CEP170B: variants seen among roughly 807,000 people sequenced by gnomAD.
CEP170B encodes the protein centrosomal protein of 170 kDa protein B.
A neutral mutation model predicts 120.6 loss-of-function variants in CEP170B; 55 were observed. That is an observed-to-expected ratio of 0.46 (90% CI 0.37 to 0.57). CEP170B has a LOEUF of 0.57. Among genes scored for constraint, CEP170B ranks in the 20% least tolerant of loss-of-function variants. The pLI is 0.00. For synonymous variants in CEP170B, 1,033 were observed against 954.5 expected, an observed-to-expected ratio of 1.08 and a Z score of -1.52; for missense variants, 2,212 against 2,253.3, an observed-to-expected ratio of 0.98 and a Z score of 0.37.
At chr14:104,878,713 G>A (rs1326943995) in intron 5 of CEP170B, among the ~76,000 whole-genome samples, 1 of 145,856 alleles carries the variant, frequency 6.9e-6, no homozygotes, top group Non-Finnish European at 1.6e-5. Context: ...CCCCCAGCCT[G>A]CTGCAGTGAC....
At chr14:104,876,979 G>A (rs758025307) in intron 3 of CEP170B, among the ~76,000 whole-genome samples, 7 of 152,228 alleles carry the variant, frequency 4.6e-5, no homozygotes, top group East Asian at 1.9e-4. Flanking sequence ...CTCTGGGGGC[G>A]TGTGTCTGTC....
intron 2 of CEP170B, among the ~76,000 whole-genome samples, chr14:104,869,541 T>C (rs7150468): frequency 0.08 from 12,225 of 152,256 alleles, 852 homozygotes; most frequent in African/African-American, 0.19. Flanking sequence ...CCACCCGATA[T>C]TGCTGCATGT....
chr14:104,871,162 G>A (rs942030372), intron 2 of CEP170B, among the ~76,000 whole-genome samples: 7 of 152,094 alleles, frequency 4.6e-5, no homozygotes, highest in Admixed American at 1.3e-4. Flanking sequence ...CTTTCCGAAC[G>A]CTGCTGCTTC....
chr14:104,882,638 A>G, intron 6 of CEP170B, 90 bp from the exon 7 acceptor site: 1 of 1,035,848 alleles, frequency 9.7e-7, no homozygotes, highest in Non-Finnish European at 1.4e-6. Flanking sequence ...GGCCTGCCCC[A>G]GAGTCCAGCC....
chr14:104,877,094 G>A (rs1184195377), intron 3 of CEP170B, among the ~76,000 whole-genome samples: 3 of 152,078 alleles, frequency 2.0e-5, no homozygotes, highest in Non-Finnish European at 2.9e-5. Flanking sequence ...CTGAGCTGGG[G>A]GGCCCTAGCA....
chr14:104,893,975 G>A (rs1566876259), intron 16 of CEP170B, 126 bp downstream of exon 16: 2 of 891,742 alleles, frequency 2.2e-6, no homozygotes, highest in Non-Finnish European at 3.5e-6. Flanking sequence ...CTGTGGAGCA[G>A]CCCTCCCGTG....
In CEP170B at chr14:104,896,735, C is replaced by T; in HGVS notation, c.*1777C>T. On this transcript the variant is annotated 3_prime_UTR_variant, in exon 19 of 19. Transcript: ENST00000414716. ...GAATTTGTTCTAATAAATCATTCTT[C>T]TATCACATGGCAGCACGCTGGAGCC... is the stretch of plus-strand genomic sequence containing the variant. 2.2e-6 allele frequency: 1 copy of T among 454,198 alleles called. No individual in the cohort carries two copies. The highest frequency in any genetic ancestry group is 4.4e-6 in the Non-Finnish European group (1 of 225,296). The allele number at this position is 454,198 out of a possible 1,614,324, so 28.1% of individuals were successfully genotyped here. A position where few individuals can be genotyped will look rare whatever the true frequency, so the allele number is the denominator to read the frequency against.
Position 104,886,308 on chromosome 14 carries a change from A to AG in CEP170B, c.2073dup (p.Ser692ValfsTer16), listed in dbSNP as rs754691089. 1.3e-6 allele frequency: 2 copies of AG among 1,533,770 alleles called. No homozygotes were observed. The highest frequency in any genetic ancestry group is 4.7e-5 in the East Asian group (2 of 42,628). ...CTGGGACGTAGAGGCGGGGAGCCGG[A>AG]GGGGTCCCTGCCTGTGCGCATGCGG... On this transcript the variant is annotated frameshift_variant, in exon 12 of 19. Transcript: ENST00000414716. LOFTEE classifies it high-confidence loss of function.
chr14:104,889,518 C>T (rs774145842), intron 12 of CEP170B, 102 bp from the exon 13 acceptor site: 118 of 1,577,678 alleles, frequency 7.5e-5, no homozygotes, highest in Non-Finnish European at 9.5e-5. Context: ...CACCAAGACA[C>T]GAGGCGCCGG....
intron 6 of CEP170B, 29 bp from the exon 7 acceptor site, chr14:104,882,699 C>G (rs1896220838): frequency 7.6e-6 from 12 of 1,582,038 alleles, no homozygotes; most frequent in Non-Finnish European, 1.0e-5. Context: ...CCCAGCAACA[C>G]AGGGTCTGAC....
chr14:104,866,562 C>T (rs1895218772), intron 1 of CEP170B, among the ~76,000 whole-genome samples: 1 of 152,170 alleles, frequency 6.6e-6, no homozygotes, highest in Admixed American at 6.5e-5. Context: ...GGGCAGGGCC[C>T]CCAGAGTGAG....
chr14:104,878,053 CTGCTGGGGT>C, intron 4 of CEP170B, 90 bp downstream of exon 4: 1 of 1,094,002 alleles, frequency 9.1e-7, no homozygotes, highest in Non-Finnish European at 1.4e-6. Context: ...AGGGCTGTCA[CTGCTGGGGT>C]TGCTGGGTAA....
In CEP170B at chr14:104,865,534, G is replaced by T. The variant is rs1295606478; in HGVS notation, c.-28+21G>T. 1 of 150,734 alleles carries T rather than the reference G, an allele frequency of 6.6e-6. No homozygotes were observed. Among genetic ancestry groups the T allele is most frequent in the Non-Finnish European group, 1.5e-5 (1 of 67,550 alleles). The allele number at this position is 150,734 out of a possible 1,614,324, so 9.3% of individuals were successfully genotyped here. ...AGCAGGTAGGACGCGCCGGCCCAGC[G>T]CTGGCCGCGGCCCGGGCCTCCCATC... On this transcript the variant is annotated intron_variant, in intron 1 of 18. Transcript: ENST00000414716. This position sits in a 1 kb window ranked among gnomAD's most constrained non-coding sequence, Gnocchi z 6.7.
intron 5 of CEP170B, 41 bp downstream of exon 5, chr14:104,878,542 T>C (rs528958469): frequency 5.0e-6 from 8 of 1,594,834 alleles, no homozygotes; most frequent in East Asian, 2.2e-5. Flanking sequence ...CCACGAGGGC[T>C]CAGCCCCCCA....
chr14:104,871,151 C>T (rs1895462146), intron 2 of CEP170B, among the ~76,000 whole-genome samples: 1 of 152,156 alleles, frequency 6.6e-6, no homozygotes. Flanking sequence ...CCTCAGTGGC[C>T]CTTTCCGAAC....
At chr14:104,885,635 G>C in intron 10 of CEP170B, 93 bp downstream of exon 10, 1 of 1,453,050 alleles carries the variant, frequency 6.9e-7, no homozygotes, top group Non-Finnish European at 9.1e-7. Flanking sequence ...CCCATGGGGC[G>C]AGACTGGACT....
Position 104,887,400 on chromosome 14 carries a change from A to G in CEP170B, c.3161A>G (p.His1054Arg), listed in dbSNP as rs766308035. 4 of 1,612,086 alleles carry G rather than the reference A, an allele frequency of 2.5e-6. No individual in the cohort carries two copies. The highest frequency in any genetic ancestry group is 2.5e-6 in the Non-Finnish European group (3 of 1,179,672). The change falls in exon 12 of 19, where the codon CAC becomes CGC. Residue 1054 changes from histidine to arginine, a missense_variant. Around this residue, in one of 2 missense-constraint regions of CEP170B, gnomAD observed 2,166 missense variants for 2,166.7 expected, o/e 1.00. Transcript: ENST00000414716. ...PSEERGPVLA[H>R]LPSSDVMASN... ...GAGGAGCGTGGCCCTGTCCTCGCCCACCTACCCAGCTCAGATGTGATGGCC... is the reference window on the plus strand; with the variant it reads ...GAGGAGCGTGGCCCTGTCCTCGCCCGCCTACCCAGCTCAGATGTGATGGCC...
intron 6 of CEP170B, among the ~76,000 whole-genome samples, chr14:104,880,757 C>A (rs1896107657): frequency 6.6e-6 from 1 of 152,092 alleles, no homozygotes; most frequent in African/African-American, 2.4e-5. Flanking sequence ...CCTGTGCACA[C>A]CTACCCATAC....
chr14:104,886,077 G>A lies in CEP170B; in HGVS notation c.1982G>A (p.Trp661Ter). The change falls in exon 11 of 19, where the codon TGG (tryptophan) becomes TAG (stop). Residue 661 changes from tryptophan (W) to a stop codon, truncating the protein, a stop_gained. Transcript: ENST00000414716. LOFTEE classifies it high-confidence loss of function. ...CCGGGCTCCCCTGGGGGTCAGAAGTGGGTGTCCCGCTGGGCCAGCCTGGCT... is the reference window on the plus strand; with the variant it reads ...CCGGGCTCCCCTGGGGGTCAGAAGTAGGTGTCCCGCTGGGCCAGCCTGGCT... Reference protein sequence around the residue: ...PVPGSPGGQKWVSRWASLADS... With the variant: ...PVPGSPGGQK The A allele has an allele frequency of 6.5e-7, 1 of 1,546,884 alleles. No homozygotes were observed. Among genetic ancestry groups the A allele is most frequent in the Non-Finnish European group, 8.7e-7 (1 of 1,145,460 alleles).
Sources: gnomAD v4.1 joint callset for allele counts (sites outside exome capture counted in the v4.1 genomes callset) on GRCh38, gnomAD v4.1.1 for gene constraint, gnomAD v4.1.1 regional missense constraint, Gnocchi (gnomAD v3.1) non-coding constraint, MANE v1.5 for transcripts, NCBI Gene and HGNC (gene_info 2026-07-23, HGNC 2026-07-21) for gene names.